Variants in SPOCK1 observed in about 807,000 individuals in gnomAD.
The protein encoded by SPOCK1 is SPARC (osteonectin), cwcv and kazal like domains proteoglycan 1, also known as testican-1.
In SPOCK1, 23 loss-of-function variants were observed where a neutral mutation model predicts 55.3. The observed-to-expected ratio is 0.42, with a 90% CI of 0.30 to 0.59. The LOEUF (loss-of-function observed/expected upper bound fraction) is 0.59. Ranked by LOEUF, SPOCK1 falls within the 20% of genes least tolerant of loss-of-function variation. The probability of loss-of-function intolerance (pLI) is 0.22; values close to 1 mark genes in which losing one functional copy is unlikely to be tolerated. For missense variants in SPOCK1, 499 were observed against 552.5 expected (o/e 0.90, Z 0.97); for synonymous variants, 226 against 221.0 (o/e 1.02, Z -0.20).
intron 5 of SPOCK1, among the ~76,000 whole-genome samples, chr5:137,068,441 G>GT (rs1467250630): frequency 1.3e-5 from 2 of 152,158 alleles, no homozygotes; most frequent in East Asian, 3.9e-4. Context: ...CCGTGGAAAT[G>GT]TTTACCTAAT....
At chr5:137,322,259 AG>A (rs1470741104) in intron 2 of SPOCK1, among the ~76,000 whole-genome samples, 1 of 151,928 alleles carries the variant, frequency 6.6e-6, no homozygotes, top group Non-Finnish European at 1.5e-5. Context: ...CCTGAGCCCA[AG>A]AAGTCGAGGC....
intron 2 of SPOCK1, among the ~76,000 whole-genome samples, chr5:137,481,604 G>A (rs905971487): frequency 6.6e-6 from 1 of 152,226 alleles, no homozygotes; most frequent in African/African-American, 2.4e-5. Flanking sequence ...CTGTAGTGGG[G>A]AAGGGAATGG....
intron 4 of SPOCK1, among the ~76,000 whole-genome samples, chr5:137,113,026 C>T (rs1248635601): frequency 6.6e-6 from 1 of 152,124 alleles, no homozygotes; most frequent in Non-Finnish European, 1.5e-5. Flanking sequence ...AAGCACACCT[C>T]TGAACACAAC....
At chr5:137,181,339 T>A (rs1407794484) in intron 3 of SPOCK1, among the ~76,000 whole-genome samples, 3 of 152,174 alleles carry the variant, frequency 2.0e-5, no homozygotes, top group African/African-American at 7.2e-5. Flanking sequence ...AGAGCTACTG[T>A]TAGTTTCTGA....
intron 2 of SPOCK1, among the ~76,000 whole-genome samples, chr5:137,435,024 C>G (rs1184960733): frequency 1.3e-5 from 2 of 152,174 alleles, no homozygotes; most frequent in Admixed American, 6.5e-5. Flanking sequence ...TCACAATTAA[C>G]ATTTTGCACT....
At chr5:137,422,396 A>T (rs965275802) in intron 2 of SPOCK1, among the ~76,000 whole-genome samples, 8 of 152,254 alleles carry the variant, frequency 5.3e-5, no homozygotes, top group African/African-American at 1.9e-4. Flanking sequence ...ACTTGGTTCC[A>T]TTCTCCCCAT....
chr5:137,158,259 T>C (rs977256735), intron 3 of SPOCK1, among the ~76,000 whole-genome samples: 3 of 152,168 alleles, frequency 2.0e-5, no homozygotes, highest in Non-Finnish European at 4.4e-5. Flanking sequence ...ACACTGGCAA[T>C]GATTAGACTG....
intron 3 of SPOCK1, among the ~76,000 whole-genome samples, chr5:137,237,017 C>G (rs1015683103): frequency 2.0e-5 from 3 of 152,132 alleles, no homozygotes; most frequent in Non-Finnish European, 4.4e-5. Context: ...AGCACTGCTC[C>G]AGCTCACAGC....
chr5:137,385,654 G>T (rs537351131), intron 2 of SPOCK1, among the ~76,000 whole-genome samples: 1 of 152,266 alleles, frequency 6.6e-6, no homozygotes, highest in East Asian at 1.9e-4. Flanking sequence ...CAGACTTCTG[G>T]TCCTCAGAGG....
chr5:137,026,499 C>T (rs868057670), intron 6 of SPOCK1, among the ~76,000 whole-genome samples: 4 of 152,192 alleles, frequency 2.6e-5, no homozygotes, highest in Non-Finnish European at 5.9e-5. Flanking sequence ...AGCATCAATT[C>T]TTCCCTGGGT....
intron 3 of SPOCK1, among the ~76,000 whole-genome samples, chr5:137,258,766 G>C (rs558435817): frequency 1.3e-5 from 2 of 152,168 alleles, no homozygotes; most frequent in East Asian, 3.8e-4. Context: ...CGTGCTGAAA[G>C]AACCTCTTAA....
intron 4 of SPOCK1, among the ~76,000 whole-genome samples, chr5:137,127,466 C>T (rs1347372333): frequency 6.6e-6 from 1 of 152,256 alleles, no homozygotes. Context: ...GTGGGGGCAA[C>T]ACAGCCATCT....
intron 4 of SPOCK1, among the ~76,000 whole-genome samples, chr5:137,125,354 A>T (rs1374202255): frequency 6.6e-6 from 1 of 152,208 alleles, no homozygotes; most frequent in Admixed American, 6.5e-5. Context: ...CAAGCAGTGG[A>T]GTGTTCATTC....
At chr5:137,298,300 A>C (rs1195932035) in intron 2 of SPOCK1, among the ~76,000 whole-genome samples, 1 of 152,128 alleles carries the variant, frequency 6.6e-6, no homozygotes, top group Non-Finnish European at 1.5e-5. Flanking sequence ...CCATTTATTT[A>C]GGATTTTGTT....
chr5:137,274,178 G>A (rs1157297899), intron 2 of SPOCK1, among the ~76,000 whole-genome samples: 1 of 152,196 alleles, frequency 6.6e-6, no homozygotes, highest in African/African-American at 2.4e-5. Context: ...CTCTGGCCAA[G>A]ACATGTGTTG....
rs536899034 is a variant in SPOCK1, at chr5:137,258,489, T to G, written c.232+8521A>C. Reference sequence around the variant, plus strand: ...CCATTTCCTGATTGGGAAAATGCAATAATCCATTCTACATTCTCAAATGAG... The same window carrying G: ...CCATTTCCTGATTGGGAAAATGCAAGAATCCATTCTACATTCTCAAATGAG... On this transcript the variant is annotated intron_variant, in intron 3 of 10. Coordinates refer to ENST00000394945, the MANE Select transcript of SPOCK1 (RefSeq NM_004598.4). Among the ~76,000 whole-genome samples the G allele has an allele frequency of 5.3e-5, 8 of 152,374 alleles. No homozygotes were observed. In the South Asian group the frequency reaches 1.7e-3, roughly 32 times the overall value.
In SPOCK1 at chr5:137,202,782, A is replaced by G. The variant is rs547119546; in HGVS notation, c.233-62088T>C. 3.9e-5 allele frequency among the ~76,000 whole-genome samples: 6 copies of G among 152,360 alleles called. No individual in the cohort carries two copies. In the South Asian group the frequency reaches 1.2e-3, roughly 32 times the overall value. On this transcript the variant is annotated intron_variant, in intron 3 of 10. Transcript: ENST00000394945. ...CAGTAAACTCAAAAATAACTTTGTAAAGGCTAAGGATGGGAATAGAAGAGT... is the reference window on the plus strand; with the variant it reads ...CAGTAAACTCAAAAATAACTTTGTAGAGGCTAAGGATGGGAATAGAAGAGT...
intron 3 of SPOCK1, among the ~76,000 whole-genome samples, chr5:137,224,426 T>C (rs771155272): frequency 6.6e-6 from 1 of 152,174 alleles, no homozygotes; most frequent in Non-Finnish European, 1.5e-5. Context: ...GACTCCAAAG[T>C]TGGGGTCCAT....
chr5:137,164,996 C>A (rs1233912873), intron 3 of SPOCK1, among the ~76,000 whole-genome samples: 2 of 152,226 alleles, frequency 1.3e-5, no homozygotes, highest in African/African-American at 4.8e-5. Flanking sequence ...GGGAACTCGC[C>A]ACCCTAAAGG....
Sources: allele counts gnomAD v4.1 joint callset (sites outside exome capture counted in the v4.1 genomes callset), GRCh38; gene constraint gnomAD v4.1.1; transcripts MANE v1.5; gene names NCBI Gene and HGNC (gene_info 2026-07-23, HGNC 2026-07-21).